CNTN6: variants seen among roughly 807,000 people sequenced by gnomAD.
CNTN6 encodes contactin 6, also known as contactin-6.
Under a neutral mutation model 122.8 loss-of-function variants are expected in CNTN6, and 137 were observed. That is an observed-to-expected ratio of 1.12 (90% confidence interval 0.97 to 1.29). The LOEUF is 1.29. Among genes scored for constraint, CNTN6 ranks in the 50% most tolerant of loss-of-function variants. The pLI, the probability that CNTN6 is intolerant of heterozygous loss-of-function variation, is 0.00. For missense variants in CNTN6, 1,634 were observed against 1,223.4 expected (o/e 1.34, Z -5.01); for synonymous variants, 570 against 426.0 (o/e 1.34, Z -4.16).
chr3:1,300,743 A>T (rs533229498), intron 7 of CNTN6, among the ~76,000 whole-genome samples: 1 of 152,104 alleles, frequency 6.6e-6, no homozygotes, highest in African/African-American at 2.4e-5. Flanking sequence ...CACGGACATC[A>T]TATACTCTAT....
At chr3:1,102,565 C>G (rs2090967389) in intron 1 of CNTN6, among the ~76,000 whole-genome samples, 2 of 148,412 alleles carry the variant, frequency 1.3e-5, no homozygotes, top group African/African-American at 2.5e-5. Flanking sequence ...CCCGTCTCTA[C>G]TAAAAATACA....
At chr3:1,186,843 GAAA>G (rs371649586) in intron 2 of CNTN6, among the ~76,000 whole-genome samples, 1 of 140,712 alleles carries the variant, frequency 7.1e-6, no homozygotes, top group African/African-American at 2.6e-5. Context: ...GGGGTTAAAA[GAAA>G]AAAAAAAAGA....
Position 1,325,859 on chromosome 3 carries a change from A to G in CNTN6, c.991A>G (p.Ile331Val), listed in dbSNP as rs145135220. 139 of 1,611,762 alleles carry G rather than the reference A, an allele frequency of 8.6e-5. No individual in the cohort carries two copies. The highest frequency in any genetic ancestry group is 6.2e-4 in the Admixed American group (37 of 59,782). The change falls in exon 9 of 23, where the codon ATC (isoleucine) becomes GTC (valine). Residue 331 changes from isoleucine to valine, a missense_variant. Transcript: ENST00000446702. ...GAAAATCCAAAATACACACCTCTCT[A>G]TCTATGACAACTTGCTCTGGGAATG... ...EQKIQNTHLSIYDNLLWECKA... is the reference protein window; with the variant it reads ...EQKIQNTHLSVYDNLLWECKA...
chr3:1,363,487 T>G (rs1559926224), intron 12 of CNTN6, among the ~76,000 whole-genome samples: 1 of 151,976 alleles, frequency 6.6e-6, no homozygotes, highest in South Asian at 2.1e-4. Context: ...CTTTTTTTGA[T>G]GCCACCTATA....
intron 1 of CNTN6, among the ~76,000 whole-genome samples, chr3:1,115,180 A>C (rs996596177): frequency 2.6e-5 from 4 of 152,198 alleles, no homozygotes; most frequent in African/African-American, 7.2e-5. Flanking sequence ...ATAGGCTCTT[A>C]AATACCCATG....
intron 2 of CNTN6, among the ~76,000 whole-genome samples, chr3:1,172,612 A>G (rs1211867999): frequency 2.2e-5 from 3 of 136,164 alleles, no homozygotes; most frequent in Admixed American, 7.2e-5. Flanking sequence ...ACAGTCTGCA[A>G]TAACTCTCTG....
intron 4 of CNTN6, among the ~76,000 whole-genome samples, chr3:1,236,958 G>A (rs1266918913): frequency 7.9e-5 from 12 of 152,084 alleles, no homozygotes; most frequent in East Asian, 2.0e-4. Flanking sequence ...GTGGGCGCCT[G>A]TAGTGCCAGC....
At chr3:1,312,482 AAAT>A (rs1359065407) in intron 7 of CNTN6, among the ~76,000 whole-genome samples, 1 of 151,988 alleles carries the variant, frequency 6.6e-6, no homozygotes, top group African/African-American at 2.4e-5. Context: ...GGCTCAGGAA[AAAT>A]AATAAGTTGT....
chr3:1,362,509 C>T (rs1462126634), intron 12 of CNTN6, among the ~76,000 whole-genome samples: 1 of 151,936 alleles, frequency 6.6e-6, no homozygotes, highest in Non-Finnish European at 1.5e-5. Flanking sequence ...CAAGTGCTAA[C>T]ATTAAGAACA....
chr3:1,338,334 A>G (rs536943351), intron 11 of CNTN6, among the ~76,000 whole-genome samples: 44 of 152,250 alleles, frequency 2.9e-4, no homozygotes, highest in Non-Finnish European at 5.1e-4. Flanking sequence ...TGAAAAATGC[A>G]GATCCCAGAG....
chr3:1,153,600 G>C (rs1168331707), intron 2 of CNTN6, among the ~76,000 whole-genome samples: 2 of 152,180 alleles, frequency 1.3e-5, no homozygotes, highest in East Asian at 3.9e-4. Flanking sequence ...AGTGAATCTG[G>C]GAGAAACTGT....
intron 11 of CNTN6, among the ~76,000 whole-genome samples, chr3:1,337,496 C>A (rs915407197): frequency 6.6e-6 from 1 of 152,112 alleles, no homozygotes; most frequent in Non-Finnish European, 1.5e-5. Context: ...CTTCTCTACC[C>A]CTTCCTCCTC....
chr3:1,339,169 A>G (rs1428458732), intron 11 of CNTN6, among the ~76,000 whole-genome samples: 1 of 151,900 alleles, frequency 6.6e-6, no homozygotes, highest in Non-Finnish European at 1.5e-5. Flanking sequence ...AAAACCTTTC[A>G]TTCCACAGAT....
At chr3:1,320,775 C>A (rs1308284328) in intron 7 of CNTN6, among the ~76,000 whole-genome samples, 1 of 151,610 alleles carries the variant, frequency 6.6e-6, no homozygotes, top group African/African-American at 2.4e-5. Flanking sequence ...CCTGCCCGTT[C>A]TTATTTTATG....
At chr3:1,321,866 A>T (rs1363460824) in intron 8 of CNTN6, 32 bp downstream of exon 8, 1 of 1,510,818 alleles carries the variant, frequency 6.6e-7, no homozygotes, top group African/African-American at 1.4e-5. Context: ...TATATATAAA[A>T]TATTTGGTAA....
At chr3:1,139,348 C>G (rs9841911) in intron 1 of CNTN6, among the ~76,000 whole-genome samples, 90,352 of 151,856 alleles carry the variant, frequency 0.59, 28,162 homozygotes, top group African/African-American at 0.78. Context: ...TGTACTAAAC[C>G]GCACTGAAAG....
chr3:1,190,960 A>T (rs1266792019), intron 2 of CNTN6, among the ~76,000 whole-genome samples: 1 of 152,106 alleles, frequency 6.6e-6, no homozygotes, highest in Non-Finnish European at 1.5e-5. Context: ...TGCTACTTCT[A>T]CTTCATTATT....
In CNTN6 at chr3:1,383,002, G is replaced by T. The variant is rs1692155812; in HGVS notation, c.2227G>T (p.Val743Leu). The T allele has an allele frequency of 1.2e-6, 2 of 1,614,012 alleles. No individual in the cohort carries two copies. The highest frequency in any genetic ancestry group is 2.2e-5 in the South Asian group (2 of 91,088). ...GFGYIIMFRP[V>L]GSTTWSKEKV... The stretch of plus-strand genomic sequence containing the variant: ...TGGATATATCATCATGTTCCGGCCA[G>T]TGGGCTCGACAACCTGGTCCAAGGA... The change falls in exon 18 of 23, where the codon GTG becomes TTG. Residue 743 changes from valine (V) to leucine (L), a missense_variant. Physicochemically the swap from Val to Leu is conservative, Grantham distance 32. Coordinates refer to ENST00000446702, the MANE Select transcript of CNTN6 (RefSeq NM_001289080.2).
intron 11 of CNTN6, among the ~76,000 whole-genome samples, chr3:1,332,526 G>GGAAGGAAGGAAGGAAT (rs1185468906): frequency 6.7e-6 from 1 of 149,586 alleles, no homozygotes; most frequent in African/African-American, 2.5e-5. Flanking sequence ...AAGGAAGGAA[G>GGAAGGAAGGAAGGAAT]GAAGGAGGGA....
Sources: gnomAD v4.1 joint callset for allele counts (sites outside exome capture counted in the v4.1 genomes callset) on GRCh38, gnomAD v4.1.1 for gene constraint, MANE v1.5 for transcripts, NCBI Gene and HGNC (gene_info 2026-07-23, HGNC 2026-07-21) for gene names.